TNFRSF1A: variants seen among roughly 807,000 people sequenced by gnomAD.
The protein encoded by TNFRSF1A is TNF receptor superfamily member 1A, also known as tumor necrosis factor receptor superfamily member 1A.
A neutral mutation model predicts 41.6 loss-of-function variants in TNFRSF1A; 9 were observed. The observed-to-expected ratio is 0.22, with a 90% CI of 0.13 to 0.38. The LOEUF is 0.38. Ranked by LOEUF, TNFRSF1A falls within the 10% of genes least tolerant of loss-of-function variation. The pLI, the probability that TNFRSF1A is intolerant of heterozygous loss-of-function variation, is 1.00. For missense variants in TNFRSF1A, 463 were observed against 591.5 expected (o/e 0.78, Z 2.25); for synonymous variants, 254 against 248.6 (o/e 1.02, Z -0.21).
At position 6,329,201 on chromosome 12, in the gene TNFRSF1A, G is replaced by C. The variant is rs1233907536; in HGVS notation, c.*111C>G. 5 of 1,084,790 alleles carry C rather than the reference G, an allele frequency of 4.6e-6. No homozygotes were observed. The highest frequency in any genetic ancestry group is 6.3e-6 in the Non-Finnish European group (5 of 795,474). 67.2% of individuals were successfully genotyped at this position (1,084,790 alleles called of 1,614,324 possible). ...ACATCGAGGGGTTAGCACCAAGTAGGCGGCTGCTAGCTCCTGCTTGCCCCT... is the reference window on the plus strand; with the variant it reads ...ACATCGAGGGGTTAGCACCAAGTAGCCGGCTGCTAGCTCCTGCTTGCCCCT... On this transcript the variant is annotated 3_prime_UTR_variant, in exon 10 of 10. Transcript: ENST00000162749.
Position 6,333,661 on chromosome 12 carries a change from C to T in TNFRSF1A, c.322+76G>A. The T allele has an allele frequency of 1.9e-6, 3 of 1,562,922 alleles. No homozygotes were observed. The highest frequency in any genetic ancestry group is 2.6e-6 in the Non-Finnish European group (3 of 1,153,010). On this transcript the variant is annotated intron_variant, in intron 3 of 9. Transcript: ENST00000162749. This position sits in a 1 kb window ranked among gnomAD's most constrained non-coding sequence, Gnocchi z 6.3. The stretch of plus-strand genomic sequence containing the variant: ...CAAAACACACACCTTCCTGCCCACA[C>T]CCACCAGCCTGCACATAGACAGGCA...
chr12:6,331,217 C>T (rs1244356293), intron 5 of TNFRSF1A: 4 of 471,350 alleles, frequency 8.5e-6, no homozygotes, highest in Non-Finnish European at 1.6e-5. Context: ...CTAGGCAAGC[C>T]ATTAACCCCC....
Position 6,330,085 on chromosome 12 carries a change from C to T in TNFRSF1A, c.769-19G>A. 6.2e-7 allele frequency: 1 copy of T among 1,612,314 alleles called. No individual in the cohort carries two copies. The highest frequency in any genetic ancestry group is 1.1e-5 in the South Asian group (1 of 91,068). ...GCTCCCCCTGAAAGAGAGAAGGTGG[C>T]GCAGCATTAGTGCGGCAGCGAAAAC... On this transcript the variant is annotated intron_variant, in intron 8 of 9. Transcript: ENST00000162749.
Position 6,330,278 on chromosome 12 carries a change from G to T in TNFRSF1A, c.757C>A (p.Pro253Thr), listed in dbSNP as rs200710363. The T allele has an allele frequency of 1.2e-6, 2 of 1,613,916 alleles. No individual in the cohort carries two copies. Among genetic ancestry groups the T allele is most frequent in the African/African-American group, 2.7e-5 (2 of 74,902 alleles). The change falls in exon 8 of 10, where the codon CCT becomes ACT. Residue 253 changes from proline (P) to threonine (T), a missense_variant. Around this residue, in one of 4 missense-constraint regions of TNFRSF1A, gnomAD observed 277 missense variants for 288.8 expected, o/e 0.96. Coordinates refer to ENST00000162749, the MANE Select transcript of TNFRSF1A (RefSeq NM_001065.4). ...LYSIVCGKST[P>T]EKEGELEGTT... ...TCATTTCATCTCACCTCTTTTTCAG[G>T]TGTCGATTTCCCACAAACTGAGGAA...
rs1224204233 is a variant in TNFRSF1A, at chr12:6,334,692, G to A, written c.40-448C>T. Among the ~76,000 whole-genome samples, 2 of 152,072 alleles carry A rather than the reference G, an allele frequency of 1.3e-5. No homozygotes were observed. Among genetic ancestry groups the A allele is most frequent in the Non-Finnish European group, 2.9e-5 (2 of 68,016 alleles). ...TTTTTTTATTTTTAGTAGAGGCAGG[G>A]TCTTGTTACGTTGCTCAGACTGGTC... On this transcript the variant is annotated intron_variant, in intron 1 of 9. Coordinates refer to ENST00000162749, the MANE Select transcript of TNFRSF1A (RefSeq NM_001065.4). The surrounding 1 kb of genome is among the most constrained non-coding windows in gnomAD (Gnocchi z 5.1).
intron 1 of TNFRSF1A, among the ~76,000 whole-genome samples, chr12:6,338,104 A>G (rs550929014): frequency 6.6e-6 from 1 of 152,194 alleles, no homozygotes; most frequent in Non-Finnish European, 1.5e-5. Context: ...TCTGAATGAT[A>G]CAAAGGCAGA....
intron 5 of TNFRSF1A, chr12:6,331,938 T>G (rs1260485738): frequency 2.1e-5 from 4 of 187,480 alleles, no homozygotes; most frequent in South Asian, 1.2e-4. Flanking sequence ...GAGGCAGAGG[T>G]TGCAGTGAGC....
chr12:6,336,122 C>G (rs141569020), intron 1 of TNFRSF1A, among the ~76,000 whole-genome samples: 75 of 152,288 alleles, frequency 4.9e-4, no homozygotes, highest in Middle Eastern at 6.8e-3. Flanking sequence ...GAATCCCATC[C>G]AGGGGGCTTG....
chr12:6,330,024 G>C lies in TNFRSF1A; in HGVS notation c.811C>G (p.Pro271Ala), dbSNP rs202207247. 6 of 1,611,944 alleles carry C rather than the reference G, an allele frequency of 3.7e-6. No homozygotes were observed. Among genetic ancestry groups the C allele is most frequent in the South Asian group, 1.1e-5 (1 of 90,866 alleles). ...AAGCCTGGAGTGGGACTGAAGCTTG[G>C]GTTTGGGGCCAGGGGCTTAGTAGTA... ...GTTTKPLAPNPSFSPTPGFTP... is the reference protein window; with the variant it reads ...GTTTKPLAPNASFSPTPGFTP... Residue 271 changes from proline (P) to alanine (A), a missense_variant, in exon 9 of 10, where the codon CCA (proline) becomes GCA (alanine). Pro to Ala is a conservative substitution (Grantham distance 27). This residue lies in a region of TNFRSF1A where 277 missense variants were observed against 288.8 expected (regional missense o/e 0.96). Transcript: ENST00000162749.
Position 6,330,650 on chromosome 12 carries a change from G to T in TNFRSF1A, c.687C>A (p.Phe229Leu), listed in dbSNP as rs766811013. Residue 229 changes from phenylalanine (F) to leucine (L), a missense_variant, in exon 7 of 10, where the codon TTC becomes TTA. Physicochemically the swap from Phe to Leu is conservative, Grantham distance 22. Around this residue, in one of 4 missense-constraint regions of TNFRSF1A, gnomAD observed 149 missense variants for 239.4 expected, o/e 0.62. Coordinates refer to ENST00000162749, the MANE Select transcript of TNFRSF1A (RefSeq NM_001065.4). ...GTTGGTAGCGATACATTAAACCAAT[G>T]AAGAGGAGGGATAAAAGGCAAAGAC... is the stretch of plus-strand genomic sequence containing the variant. ...FFGLCLLSLL[F>L]IGLMYRYQRW... 5.6e-6 allele frequency: 9 copies of T among 1,613,992 alleles called. No individual in the cohort carries two copies. Among genetic ancestry groups the T allele is most frequent in the Non-Finnish European group, 7.6e-6 (9 of 1,179,884 alleles).
Position 6,329,134 on chromosome 12 carries a change from G to A in TNFRSF1A, c.*178C>T, listed in dbSNP as rs186356476. On this transcript the variant is annotated 3_prime_UTR_variant, in exon 10 of 10. Coordinates refer to ENST00000162749, the MANE Select transcript of TNFRSF1A (RefSeq NM_001065.4). ...GCGCACCTCTCTCCGCGCGCACAGC[G>A]CTGACTGTCGGCGGCGCGCAGGCAG... 3.7e-4 allele frequency: 213 copies of A among 576,424 alleles called. 1 individual carries two copies. In the African/African-American group the frequency reaches 3.9e-3, roughly 11 times the overall value. The allele number at this position is 576,424 out of a possible 1,614,324, so 35.7% of individuals were successfully genotyped here. A position where few individuals can be genotyped will look rare whatever the true frequency, so the allele number is the denominator to read the frequency against.
intron 5 of TNFRSF1A, among the ~76,000 whole-genome samples, chr12:6,332,580 C>A (rs1948065713): frequency 6.6e-6 from 1 of 151,812 alleles, no homozygotes; most frequent in African/African-American, 2.4e-5. Context: ...AAGTGAGTGA[C>A]AAGAACAGCC....
Position 6,330,367 on chromosome 12 carries a change from C to A in TNFRSF1A, c.740-72G>T, listed in dbSNP as rs530423291. The A allele has an allele frequency of 2.8e-6, 4 of 1,452,294 alleles. No individual in the cohort carries two copies. In the African/African-American group the frequency reaches 5.6e-5, roughly 20 times the overall value. 90.0% of individuals were successfully genotyped at this position (1,452,294 alleles called of 1,614,324 possible). A position where few individuals can be genotyped will look rare whatever the true frequency, so the allele number is the denominator to read the frequency against. ...GCCCTGGCACCCTGGACTCAGCTGG[C>A]AGTGGGGACTTGTGGTGACATGCCT... On this transcript the variant is annotated intron_variant, in intron 7 of 9. Transcript: ENST00000162749.
Position 6,333,004 on chromosome 12 carries a change from C to A in TNFRSF1A, c.551+65G>T. 1.4e-6 allele frequency: 2 copies of A among 1,466,880 alleles called. No homozygotes were observed. The highest frequency in any genetic ancestry group is 1.1e-5 in the South Asian group (1 of 87,878). 90.9% of individuals were successfully genotyped at this position (1,466,880 alleles called of 1,614,324 possible). On this transcript the variant is annotated intron_variant, in intron 5 of 9. Coordinates refer to ENST00000162749, the MANE Select transcript of TNFRSF1A (RefSeq NM_001065.4). The surrounding 1 kb of genome is among the most constrained non-coding windows in gnomAD (Gnocchi z 6.3). ...GGCATCTGTTGCCCAGCTAATGGTT[C>A]CCACCAGTCACCCGTCCCAACCCAT...
chr12:6,334,101 C>G lies in TNFRSF1A; in HGVS notation c.183G>C (p.Lys61Asn). Residue 61 changes from lysine to asparagine, a missense_variant, in exon 2 of 10, where the codon AAG becomes AAC. This residue lies in a region of TNFRSF1A where 149 missense variants were observed against 239.4 expected (regional missense o/e 0.62). Transcript: ENST00000162749. The surrounding 1 kb of genome is among the most constrained non-coding windows in gnomAD (Gnocchi z 5.1). ...HPQNNSICCT[K>N]CHKGTYLYND... is the part of the protein sequence containing the mutation. ...TCCACTTGCCCCTACCTTTGTGGCA[C>G]TTGGTACAGCAAATCGAATTATTTT... The G allele has an allele frequency of 6.2e-7, 1 of 1,614,220 alleles. No individual in the cohort carries two copies. The highest frequency in any genetic ancestry group is 1.1e-5 in the South Asian group (1 of 91,088).
chr12:6,335,128 G>A (rs1948104391), intron 1 of TNFRSF1A, among the ~76,000 whole-genome samples: 1 of 152,176 alleles, frequency 6.6e-6, no homozygotes, highest in South Asian at 2.1e-4. Flanking sequence ...GTGGACAGAA[G>A]AAGGAAGTTT....
rs1405247446 is a variant in TNFRSF1A, at chr12:6,329,764, C to T, written c.1057+14G>A. The T allele has an allele frequency of 6.3e-7, 1 of 1,595,372 alleles. No homozygotes were observed. The highest frequency in any genetic ancestry group is 8.5e-7 in the Non-Finnish European group (1 of 1,171,316). On this transcript the variant is annotated intron_variant, in intron 9 of 9. Coordinates refer to ENST00000162749, the MANE Select transcript of TNFRSF1A (RefSeq NM_001065.4). ...CCCCCAGCCTCCTCGTCTCCAGCCG[C>T]GGGAGAAACTCACTGTCTAGGCTCT...
chr12:6,329,629 G>C lies in TNFRSF1A; in HGVS notation c.1058-7C>G. ...AGCGTCGCGGGGTCATCAGCTGCGGGGACGCGGGCCGGTGAGCCTCGGGCG... is the reference window on the plus strand; with the variant it reads ...AGCGTCGCGGGGTCATCAGCTGCGGCGACGCGGGCCGGTGAGCCTCGGGCG... On this transcript the variant is annotated splice_polypyrimidine_tract_variant and splice_region_variant and intron_variant, in intron 9 of 9. Transcript: ENST00000162749. 1.3e-6 allele frequency: 2 copies of C among 1,591,634 alleles called. No individual in the cohort carries two copies. Among genetic ancestry groups the C allele is most frequent in the South Asian group, 2.2e-5 (2 of 89,886 alleles).
rs768460687 is a variant in TNFRSF1A, at chr12:6,333,377, C to A, written c.462G>T (p.Val154=). Residue 154 remains valine, a synonymous_variant, in exon 4 of 10, where the codon GTG becomes GTT. Coordinates refer to ENST00000162749, the MANE Select transcript of TNFRSF1A (RefSeq NM_001065.4). The surrounding 1 kb of genome is among the most constrained non-coding windows in gnomAD (Gnocchi z 6.3). ...FNCSLCLNGT[V]HLSCQEKQNT... ...GAGAGCTGCGCTCACAGGAGAGGTG[C>A]ACGGTCCCATTGAGGCAGAGGCTGC... The A allele has an allele frequency of 6.2e-7, 1 of 1,613,678 alleles. No homozygotes were observed. Among genetic ancestry groups the A allele is most frequent in the Admixed American group, 1.7e-5 (1 of 59,960 alleles).
Sources: gnomAD v4.1 joint callset for allele counts (sites outside exome capture counted in the v4.1 genomes callset) on GRCh38, gnomAD v4.1.1 for gene constraint, gnomAD v4.1.1 regional missense constraint, Gnocchi (gnomAD v3.1) non-coding constraint, MANE v1.5 for transcripts, NCBI Gene and HGNC (gene_info 2026-07-23, HGNC 2026-07-21) for gene names.